The following CCPG1 variants were observed in gnomAD, a reference collection of about 807,000 sequenced individuals.
CCPG1 encodes the protein cell cycle progression 1.
In CCPG1, 46 loss-of-function variants were observed where a neutral mutation model predicts 81.3. The observed-to-expected ratio is 0.57, with a 90% CI of 0.45 to 0.72. The LOEUF is 0.72. Ranked by LOEUF, CCPG1 falls within the 30% of genes least tolerant of loss-of-function variation. CCPG1 has a pLI of 0.00. For missense variants in CCPG1, 902 were observed against 937.6 expected (o/e 0.96, Z 0.50); for synonymous variants, 330 against 305.2 (o/e 1.08, Z -0.85).
At chr15:55,391,042 T>C (rs2056904078) in intron 1 of CCPG1, among the ~76,000 whole-genome samples, 1 of 152,254 alleles carries the variant, frequency 6.6e-6, no homozygotes, top group Non-Finnish European at 1.5e-5. Flanking sequence ...AAAGCTACAG[T>C]TTAAATACCC....
intron 4 of CCPG1, among the ~76,000 whole-genome samples, chr15:55,377,720 T>G (rs1437591785): frequency 1.3e-5 from 2 of 152,248 alleles, no homozygotes; most frequent in Non-Finnish European, 1.5e-5. Flanking sequence ...TCATGCAGCA[T>G]CCAGCCTTTT....
At chr15:55,391,121 T>C (rs2056905302) in intron 1 of CCPG1, among the ~76,000 whole-genome samples, 1 of 152,202 alleles carries the variant, frequency 6.6e-6, no homozygotes, top group African/African-American at 2.4e-5. Flanking sequence ...CTGACTATAT[T>C]TCTTTTCTTT....
At chr15:55,359,505 A>C (rs758888174) in intron 8 of CCPG1, 34 bp downstream of exon 8, 3 of 1,542,826 alleles carry the variant, frequency 1.9e-6, no homozygotes, top group Admixed American at 2.2e-5. Context: ...AATGTTACAA[A>C]CTACTGTAAT....
chr15:55,356,823 T>TCACAA, intron 8 of CCPG1: 1 of 990,584 alleles, frequency 1.0e-6, no homozygotes, highest in Non-Finnish European at 1.2e-6. Context: ...CAGCAAAAGC[T>TCACAA]CACAACACCT....
Position 55,356,256 on chromosome 15 carries a change from T to C in CCPG1, c.2388A>G (p.Ile796Met). 1 of 1,534,982 alleles carries C rather than the reference T, an allele frequency of 6.5e-7. No homozygotes were observed. Among genetic ancestry groups the C allele is most frequent in the South Asian group, 1.2e-5 (1 of 83,782 alleles). Residue 796 changes from isoleucine (I) to methionine (M), a missense_variant, in exon 9 of 9, where the codon ATA (isoleucine) becomes ATG (methionine). Physicochemically the swap from Ile to Met is conservative, Grantham distance 10. Transcript: ENST00000442196. ...GATCAAAAGGTAATTGCCCCAATTCTATTTCAAGATTTGCCATTTGTCTTC... is the reference window on the plus strand; with the variant it reads ...GATCAAAAGGTAATTGCCCCAATTCCATTTCAAGATTTGCCATTTGTCTTC... ...TNGRQMANLE[I>M]ELGQLPFDPQ... is the part of the protein sequence containing the mutation.
rs533087426 is a variant in CCPG1, at chr15:55,368,888, G to C, written c.706+2905C>G. ...GCACTTTGGGAGGCCGAGGCAGGCGGATCACTTAAGGTCAGGAGTTCGAGA... is the reference window on the plus strand; with the variant it reads ...GCACTTTGGGAGGCCGAGGCAGGCGCATCACTTAAGGTCAGGAGTTCGAGA... On this transcript the variant is annotated intron_variant, in intron 6 of 8. Transcript: ENST00000442196. Among the ~76,000 whole-genome samples, 13 of 152,234 alleles carry C rather than the reference G, an allele frequency of 8.5e-5. No individual in the cohort carries two copies. The South Asian group carries it at 2.7e-3, about 32-fold the overall frequency.
chr15:55,366,834 A>G lies in CCPG1; in HGVS notation c.707-1525T>C, dbSNP rs530973704. ...TTTTCATCCTAAAAATCAAAATGTT[A>G]CTTTACTCAGACATGCTATTCACAT... On this transcript the variant is annotated intron_variant, in intron 6 of 8. Transcript: ENST00000442196. 2.0e-5 allele frequency among the ~76,000 whole-genome samples: 3 copies of G among 152,320 alleles called. No individual in the cohort carries two copies. In the East Asian group the frequency reaches 5.8e-4, roughly 29 times the overall value.
chr15:55,388,032 T>C (rs2056838044), intron 2 of CCPG1, among the ~76,000 whole-genome samples: 1 of 151,082 alleles, frequency 6.6e-6, no homozygotes, highest in Non-Finnish European at 1.5e-5. Flanking sequence ...ATGCCTGTAA[T>C]CCCAGCTACT....
chr15:55,379,161 C>CATGT (rs146009067), intron 3 of CCPG1, among the ~76,000 whole-genome samples: 1 of 134,682 alleles, frequency 7.4e-6, no homozygotes, highest in Non-Finnish European at 1.6e-5. Context: ...TGTATATGTA[C>CATGT]GTGTGTGTGT....
intron 8 of CCPG1, chr15:55,358,974 A>G: frequency 1.0e-6 from 1 of 975,988 alleles, no homozygotes; most frequent in South Asian, 4.7e-5. Flanking sequence ...ATTATTATGA[A>G]GTACACACAT....
chr15:55,377,601 G>A (rs941263820), intron 4 of CCPG1, among the ~76,000 whole-genome samples: 3 of 152,196 alleles, frequency 2.0e-5, no homozygotes, highest in Non-Finnish European at 4.4e-5. Flanking sequence ...TTCTACGCTG[G>A]AATGTAATCG....
chr15:55,401,613 C>A (rs1398519575), intron 1 of CCPG1, among the ~76,000 whole-genome samples: 1 of 151,000 alleles, frequency 6.6e-6, no homozygotes, highest in Non-Finnish European at 1.5e-5. Flanking sequence ...TTGCAGTGAG[C>A]CGAGACCACG....
chr15:55,358,409 A>G (rs2056126445), intron 8 of CCPG1: 1 of 985,276 alleles, frequency 1.0e-6, no homozygotes. Flanking sequence ...CCGCCTTGAA[A>G]ATTCTTCAGA....
At chr15:55,373,087 A>T (rs2096491833) in intron 5 of CCPG1, 1 of 503,914 alleles carries the variant, frequency 2.0e-6, no homozygotes. Context: ...ATAATAGTAG[A>T]GAAAAACAAA....
intron 8 of CCPG1, chr15:55,358,063 T>C (rs1000853031): frequency 6.6e-6 from 1 of 152,150 alleles, no homozygotes; most frequent in Admixed American, 6.6e-5. Context: ...ATCCCTAAGA[T>C]AAGGATTAAG....
chr15:55,369,810 A>G (rs1214326535), intron 6 of CCPG1, among the ~76,000 whole-genome samples: 2 of 152,206 alleles, frequency 1.3e-5, no homozygotes, highest in African/African-American at 4.8e-5. Context: ...TTTCTACAAA[A>G]TATTCAAAGG....
chr15:55,376,642 T>C (rs2056571865), intron 5 of CCPG1, among the ~76,000 whole-genome samples: 1 of 152,192 alleles, frequency 6.6e-6, no homozygotes, highest in Admixed American at 6.5e-5. Context: ...AATCTCCCAC[T>C]CTTAAAGATC....
intron 5 of CCPG1, chr15:55,372,716 A>G (rs2056478475): frequency 3.9e-6 from 1 of 255,880 alleles, no homozygotes; most frequent in Non-Finnish European, 7.8e-6. Flanking sequence ...TTCTGGAAAG[A>G]AAAAAAATAC....
At position 55,403,251 on chromosome 15, in the gene CCPG1, C is replaced by T. The variant is rs576845898; in HGVS notation, c.-10+4970G>A. Among the ~76,000 whole-genome samples, 8 of 152,186 alleles carry T rather than the reference C, an allele frequency of 5.3e-5. No individual in the cohort carries two copies. The East Asian group carries it at 7.7e-4, about 15-fold the overall frequency. ...ATTATTTACAAATTCCAAATGAAAACGAACAGAAAATTATAAATAATAACT... is the reference window on the plus strand; with the variant it reads ...ATTATTTACAAATTCCAAATGAAAATGAACAGAAAATTATAAATAATAACT... On this transcript the variant is annotated intron_variant, in intron 1 of 8. Coordinates refer to ENST00000442196, the MANE Select transcript of CCPG1 (RefSeq NM_001204450.2).
Sources: gnomAD v4.1 joint callset for allele counts (sites outside exome capture counted in the v4.1 genomes callset) on GRCh38, gnomAD v4.1.1 for gene constraint, MANE v1.5 for transcripts, NCBI Gene and HGNC (gene_info 2026-07-23, HGNC 2026-07-21) for gene names.